Variants in MACROD2 observed in about 807,000 individuals in gnomAD.
The protein encoded by MACROD2 is ADP-ribose glycohydrolase MACROD2.
MACROD2 carries 36 observed loss-of-function variants against 70.4 expected under a neutral mutation model. The observed-to-expected ratio is 0.51, with a 90% CI of 0.39 to 0.68. The LOEUF (loss-of-function observed/expected upper bound fraction) is 0.68, where lower values mean the gene tolerates loss of function less well. MACROD2 is among the 30% of genes least tolerant of loss of function. The pLI is 0.00. For synonymous variants in MACROD2, 172 were observed against 178.8 expected, an observed-to-expected ratio of 0.96 and a Z score of 0.30; for missense variants, 496 against 538.4, an observed-to-expected ratio of 0.92 and a Z score of 0.78.
chr20:14,034,452 G>C (rs573622983), intron 2 of MACROD2, among the ~76,000 whole-genome samples: 1 of 152,262 alleles, frequency 6.6e-6, no homozygotes, highest in South Asian at 2.1e-4. Context: ...ATGTCTGTAA[G>C]AATAATTTCC....
chr20:15,411,912 G>A (rs370351222), intron 6 of MACROD2, among the ~76,000 whole-genome samples: 4 of 152,280 alleles, frequency 2.6e-5, no homozygotes, highest in African/African-American at 4.8e-5. Flanking sequence ...TGGAATCATG[G>A]GAGTGGGTGT....
At chr20:14,480,036 C>G (rs2084644655) in intron 3 of MACROD2, among the ~76,000 whole-genome samples, 1 of 151,858 alleles carries the variant, frequency 6.6e-6, no homozygotes, top group African/African-American at 2.4e-5. Flanking sequence ...TGCCACCATG[C>G]CCAGCAATGT....
intron 1 of MACROD2, among the ~76,000 whole-genome samples, chr20:14,001,288 A>T (rs2052730189): frequency 6.6e-6 from 1 of 152,224 alleles, no homozygotes; most frequent in African/African-American, 2.4e-5. Context: ...TTAATGAGAT[A>T]TACATGTGAA....
At chr20:14,454,398 T>A (rs1000020943) in intron 3 of MACROD2, among the ~76,000 whole-genome samples, 15 of 150,706 alleles carry the variant, frequency 1.0e-4, no homozygotes, top group African/African-American at 3.4e-4. Context: ...GCTAGATGTA[T>A]GATCCTTTAT....
At chr20:14,211,692 G>A (rs1005792550) in intron 3 of MACROD2, among the ~76,000 whole-genome samples, 3 of 152,208 alleles carry the variant, frequency 2.0e-5, no homozygotes, top group Non-Finnish European at 2.9e-5. Flanking sequence ...CAGAGTGAGA[G>A]AGGTATTTAA....
chr20:14,787,591 G>A (rs543771045), intron 5 of MACROD2, among the ~76,000 whole-genome samples: 2 of 152,198 alleles, frequency 1.3e-5, no homozygotes, highest in Non-Finnish European at 2.9e-5. Flanking sequence ...ATGTATCCAG[G>A]AGATTTAAGT....
At chr20:14,768,373 G>A (rs949259590) in intron 5 of MACROD2, among the ~76,000 whole-genome samples, 2 of 152,152 alleles carry the variant, frequency 1.3e-5, no homozygotes, top group African/African-American at 4.8e-5. Flanking sequence ...CAGTGGAATA[G>A]AGTATGTGAA....
At chr20:16,023,585 A>G (rs1294283312) in intron 15 of MACROD2, among the ~76,000 whole-genome samples, 2 of 151,890 alleles carry the variant, frequency 1.3e-5, no homozygotes, top group Non-Finnish European at 2.9e-5. Context: ...AATCCGAGGA[A>G]GCACATGTGA....
At chr20:15,913,945 C>G (rs78034776) in intron 10 of MACROD2, among the ~76,000 whole-genome samples, 6,094 of 152,248 alleles carry the variant, frequency 0.04, 289 homozygotes, top group East Asian at 0.24. Flanking sequence ...TTTACCATGA[C>G]TGCAAATCAT....
chr20:15,667,249 T>A (rs2049911657), intron 8 of MACROD2, among the ~76,000 whole-genome samples: 1 of 152,164 alleles, frequency 6.6e-6, no homozygotes, highest in East Asian at 1.9e-4. Flanking sequence ...ACTTTCTCTC[T>A]TGCTTGCTCC....
At chr20:14,483,726 C>A (rs2084689388) in intron 3 of MACROD2, among the ~76,000 whole-genome samples, 1 of 152,084 alleles carries the variant, frequency 6.6e-6, no homozygotes, top group Non-Finnish European at 1.5e-5. Context: ...AGTTTTTAAA[C>A]CTTAAGCTTC....
intron 6 of MACROD2, among the ~76,000 whole-genome samples, chr20:15,357,456 A>C (rs910128391): frequency 6.6e-6 from 1 of 152,144 alleles, no homozygotes; most frequent in Non-Finnish European, 1.5e-5. Flanking sequence ...CAGTGTTCCT[A>C]TTGTGGCAGG....
chr20:15,950,489 A>G (rs1016040084), intron 12 of MACROD2, among the ~76,000 whole-genome samples: 2 of 152,160 alleles, frequency 1.3e-5, no homozygotes, highest in Non-Finnish European at 2.9e-5. Context: ...AATAAAGTGG[A>G]CCTGCTTCTT....
chr20:14,038,020 C>T (rs571606565), intron 2 of MACROD2, among the ~76,000 whole-genome samples: 22 of 151,924 alleles, frequency 1.4e-4, no homozygotes, highest in East Asian at 7.8e-4. Context: ...AAAAACCAGG[C>T]GCAGTGGCTC....
chr20:15,010,739 C>T (rs2075076410), intron 5 of MACROD2, among the ~76,000 whole-genome samples: 1 of 152,068 alleles, frequency 6.6e-6, no homozygotes, highest in African/African-American at 2.4e-5. Flanking sequence ...AACAATAAAC[C>T]AGCAAGTAAA....
At chr20:14,250,922 G>T (rs537000380) in intron 3 of MACROD2, among the ~76,000 whole-genome samples, 2 of 151,854 alleles carry the variant, frequency 1.3e-5, no homozygotes, top group African/African-American at 2.4e-5. Context: ...TTTTGTTATG[G>T]TTCCTCATGG....
intron 5 of MACROD2, among the ~76,000 whole-genome samples, chr20:14,953,141 A>G (rs1339712562): frequency 2.6e-5 from 4 of 152,122 alleles, no homozygotes; most frequent in Non-Finnish European, 4.4e-5. Context: ...TTTATAATGA[A>G]ATGATAAAAT....
At chr20:14,104,283 A>G (rs1423532394) in intron 3 of MACROD2, among the ~76,000 whole-genome samples, 1 of 152,146 alleles carries the variant, frequency 6.6e-6, no homozygotes, top group Admixed American at 6.5e-5. Flanking sequence ...ATAAAATTTT[A>G]TTGGCACCAA....
intron 3 of MACROD2, among the ~76,000 whole-genome samples, chr20:14,138,389 A>C (rs1359041052): frequency 6.6e-6 from 1 of 152,186 alleles, no homozygotes; most frequent in Admixed American, 6.5e-5. Context: ...TGCATACAGA[A>C]AATATGCTAT....
Sources: allele counts gnomAD v4.1 joint callset (sites outside exome capture counted in the v4.1 genomes callset), GRCh38; gene constraint gnomAD v4.1.1; transcripts MANE v1.5; gene names NCBI Gene and HGNC (gene_info 2026-07-23, HGNC 2026-07-21).